Variants in ZYG11B observed in about 807,000 individuals in gnomAD.
ZYG11B encodes the protein zyg-11 family member B, cell cycle regulator, also known as protein zyg-11 homolog B.
ZYG11B carries 36 observed loss-of-function variants against 82.4 expected under a neutral mutation model. The ratio of observed to expected loss-of-function variants is 0.44; its 90% CI spans 0.33 to 0.58. The LOEUF is 0.58. Ranked by LOEUF, ZYG11B falls within the 20% of genes least tolerant of loss-of-function variation. ZYG11B has a pLI of 0.02. For synonymous variants in ZYG11B, 303 were observed against 312.8 expected (o/e 0.97, Z 0.33); for missense variants, 552 against 895.6 (o/e 0.62, Z 4.90).
At chr1:52,763,153 A>G (rs192826323) in intron 2 of ZYG11B, among the ~76,000 whole-genome samples, 18 of 152,154 alleles carry the variant, frequency 1.2e-4, no homozygotes, top group Admixed American at 7.2e-4. Flanking sequence ...TGTGTGGTCT[A>G]TGTGTTTATT....
At chr1:52,772,291 C>T in intron 3 of ZYG11B, 1 of 1,347,170 alleles carries the variant, frequency 7.4e-7, no homozygotes, top group Non-Finnish European at 1.1e-6. Context: ...GTGAATCTGG[C>T]TCTCTATCAG....
At position 52,808,317 on chromosome 1, in the gene ZYG11B, T is replaced by C. The variant is rs370135230; in HGVS notation, c.1696-5219T>C. 8.5e-5 allele frequency among the ~76,000 whole-genome samples: 13 copies of C among 152,100 alleles called. No homozygotes were observed. The East Asian group carries it at 2.3e-3, about 27-fold the overall frequency. On this transcript the variant is annotated intron_variant, in intron 10 of 13. Transcript: ENST00000294353. The stretch of plus-strand genomic sequence containing the variant: ...AGACGGAGGTTGCAGTGAGCCGAGA[T>C]CACGCCATTGCACTCCAGCCTGGGC...
At chr1:52,736,402 C>A (rs1447332865) in intron 1 of ZYG11B, among the ~76,000 whole-genome samples, 1 of 152,110 alleles carries the variant, frequency 6.6e-6, no homozygotes, top group Non-Finnish European at 1.5e-5. Flanking sequence ...ACCTCAGCCT[C>A]CTGAGTATCA....
chr1:52,789,912 C>A, intron 5 of ZYG11B, 91 bp from the exon 6 acceptor site: 1 of 861,176 alleles, frequency 1.2e-6, no homozygotes, highest in Non-Finnish European at 1.7e-6. Context: ...CATCAGTCTT[C>A]TTCTTTTTTT....
At chr1:52,766,398 T>TC (rs1289706862) in intron 2 of ZYG11B, among the ~76,000 whole-genome samples, 1 of 152,088 alleles carries the variant, frequency 6.6e-6, no homozygotes, top group Non-Finnish European at 1.5e-5. Flanking sequence ...CCGCGCCTGG[T>TC]CTGTTACTCA....
intron 2 of ZYG11B, among the ~76,000 whole-genome samples, chr1:52,765,315 G>T (rs1176929926): frequency 6.6e-6 from 1 of 151,928 alleles, no homozygotes; most frequent in African/African-American, 2.4e-5. Flanking sequence ...CAGTCCTCCT[G>T]CCTCAGCCTC....
intron 1 of ZYG11B, among the ~76,000 whole-genome samples, chr1:52,735,520 G>A (rs1043948020): frequency 2.6e-5 from 4 of 151,932 alleles, no homozygotes; most frequent in Non-Finnish European, 5.9e-5. Flanking sequence ...GACTGGAGGC[G>A]TGCCACTCTT....
intron 10 of ZYG11B, among the ~76,000 whole-genome samples, chr1:52,803,249 CATA>C (rs1385626450): frequency 2.3e-5 from 1 of 44,414 alleles, no homozygotes; most frequent in Non-Finnish European, 3.5e-5. Flanking sequence ...TACACACACA[CATA>C]TATATATATA....
chr1:52,804,995 G>T (rs1380929204), intron 10 of ZYG11B: 1 of 151,654 alleles, frequency 6.6e-6, no homozygotes, highest in African/African-American at 2.4e-5. Context: ...AGAGGCTGAG[G>T]CAGGAGAATC....
chr1:52,808,312 C>G (rs1340855304), intron 10 of ZYG11B, among the ~76,000 whole-genome samples: 1 of 151,854 alleles, frequency 6.6e-6, no homozygotes, highest in South Asian at 2.1e-4. Flanking sequence ...TGCAGTGAGC[C>G]GAGATCACGC....
chr1:52,793,950 CTTCCTTTCCT>C (rs549919616), intron 6 of ZYG11B, among the ~76,000 whole-genome samples: 5 of 138,554 alleles, frequency 3.6e-5, no homozygotes, highest in Non-Finnish European at 7.7e-5. Context: ...CTTCCTTTCC[CTTCCTTTCCT>C]TTCCTTTCAT....
intron 13 of ZYG11B, among the ~76,000 whole-genome samples, chr1:52,817,815 A>T (rs12739824): frequency 5.4e-4 from 15 of 27,684 alleles, no homozygotes; most frequent in African/African-American, 1.5e-3. Flanking sequence ...ATATATATAT[A>T]TTTTTTTTTT....
At chr1:52,737,001 C>G (rs1041138765) in intron 1 of ZYG11B, among the ~76,000 whole-genome samples, 8 of 152,086 alleles carry the variant, frequency 5.3e-5, no homozygotes, top group African/African-American at 1.9e-4. Flanking sequence ...CTCAGTAATA[C>G]TGCATGAACA....
chr1:52,797,054 T>TA (rs1215840456), intron 8 of ZYG11B, among the ~76,000 whole-genome samples: 69 of 85,120 alleles, frequency 8.1e-4, no homozygotes, highest in African/African-American at 3.4e-3. Flanking sequence ...TTTTTATATA[T>TA]TATATATATT....
intron 8 of ZYG11B, among the ~76,000 whole-genome samples, chr1:52,801,407 C>G (rs889894606): frequency 6.6e-6 from 1 of 152,026 alleles, no homozygotes; most frequent in Non-Finnish European, 1.5e-5. Flanking sequence ...TCAATTTTCT[C>G]TCCTAAAAAA....
intron 10 of ZYG11B, among the ~76,000 whole-genome samples, chr1:52,810,266 C>G (rs1465250477): frequency 6.6e-6 from 1 of 152,152 alleles, no homozygotes; most frequent in Non-Finnish European, 1.5e-5. Context: ...ATGCACTATT[C>G]CTGGCCCTCT....
intron 1 of ZYG11B, among the ~76,000 whole-genome samples, chr1:52,739,144 G>A (rs1207753324): frequency 1.3e-5 from 2 of 151,372 alleles, no homozygotes; most frequent in Non-Finnish European, 2.9e-5. Context: ...CCCTCACCAC[G>A]CCTGGCTAAT....
intron 2 of ZYG11B, among the ~76,000 whole-genome samples, chr1:52,759,519 T>G (rs34815801): frequency 0.072 from 10,929 of 152,270 alleles, 632 homozygotes; most frequent in African/African-American, 0.16. Context: ...TTTCTACCTC[T>G]TCTTTTCAGA....
At chr1:52,796,589 G>T (rs1645007966) in intron 7 of ZYG11B, 145 bp from the exon 8 acceptor site, 2 of 828,444 alleles carry the variant, frequency 2.4e-6, no homozygotes, top group Non-Finnish European at 1.8e-6. Flanking sequence ...GGAGGCCGAG[G>T]CAGGCCTCCC....
Sources: allele counts gnomAD v4.1 joint callset (sites outside exome capture counted in the v4.1 genomes callset), GRCh38; gene constraint gnomAD v4.1.1; transcripts MANE v1.5; gene names NCBI Gene and HGNC (gene_info 2026-07-23, HGNC 2026-07-21).